PSIP1: variants seen among roughly 807,000 people sequenced by gnomAD.
The protein encoded by PSIP1 is PC4 and SFRS1-interacting protein.
PSIP1 carries 19 observed loss-of-function variants against 74.7 expected under a neutral mutation model. The ratio of observed to expected loss-of-function variants is 0.25; its 90% CI spans 0.18 to 0.37. The LOEUF is 0.37. Among genes scored for constraint, PSIP1 ranks in the 10% least tolerant of loss-of-function variants. The pLI is 1.00. For missense variants in PSIP1, 601 were observed against 614.3 expected (o/e 0.98, Z 0.23); for synonymous variants, 222 against 195.3 (o/e 1.14, Z -1.14).
At position 15,486,770 on chromosome 9, in the gene PSIP1, C is replaced by T. The variant is rs764909666; in HGVS notation, c.393+57G>A. The T allele has an allele frequency of 1.1e-3, 1,397 of 1,245,838 alleles. 4 individuals are homozygous for T. The highest frequency in any genetic ancestry group is 1.5e-3 in the Non-Finnish European group (1,294 of 868,396). 77.2% of individuals were successfully genotyped at this position (1,245,838 alleles called of 1,614,324 possible). A position where few individuals can be genotyped will look rare whatever the true frequency, so the allele number is the denominator to read the frequency against. On this transcript the variant is annotated intron_variant, in intron 5 of 15. Coordinates refer to ENST00000380733, the MANE Select transcript of PSIP1 (RefSeq NM_033222.5). ...CTAATTAATCATGGCCAACTCATTT[C>T]ATTATTTCTTCCTTGAAACAAAATG...
chr9:15,467,590 A>G (rs1172503646), intron 14 of PSIP1, among the ~76,000 whole-genome samples: 1 of 152,224 alleles, frequency 6.6e-6, no homozygotes, highest in Non-Finnish European at 1.5e-5. Flanking sequence ...GGCATAGAGA[A>G]AGCTTATGGG....
At chr9:15,495,875 A>G (rs532193014) in intron 3 of PSIP1, among the ~76,000 whole-genome samples, 3 of 152,310 alleles carry the variant, frequency 2.0e-5, no homozygotes, top group South Asian at 2.1e-4. Flanking sequence ...ACTGCAAACC[A>G]TCTATATTCA....
intron 3 of PSIP1, among the ~76,000 whole-genome samples, chr9:15,497,775 G>A (rs1348222459): frequency 6.6e-6 from 1 of 151,982 alleles, no homozygotes. Flanking sequence ...TTTTAATAAA[G>A]CTGTTAAAAT....
At position 15,475,460 on chromosome 9, in the gene PSIP1, A is replaced by C. The variant is rs542876233; in HGVS notation, c.630-1223T>G. Reference sequence around the variant, plus strand: ...AAAATGTTACACCTGTATGGAAGGAAATAGCTATTAAAAATACAAATACCA... The same window carrying C: ...AAAATGTTACACCTGTATGGAAGGACATAGCTATTAAAAATACAAATACCA... On this transcript the variant is annotated intron_variant, in intron 8 of 15. Coordinates refer to ENST00000380733, the MANE Select transcript of PSIP1 (RefSeq NM_033222.5). Among the ~76,000 whole-genome samples, 4 of 152,270 alleles carry C rather than the reference A, an allele frequency of 2.6e-5. No homozygotes were observed. The East Asian group carries it at 7.7e-4, about 29-fold the overall frequency.
rs915728040 is a variant in PSIP1, at chr9:15,464,648, T to C, written c.*872A>G. The C allele has an allele frequency of 1.5e-5, 3 of 198,556 alleles. No individual in the cohort carries two copies. The highest frequency in any genetic ancestry group is 3.1e-5 in the Non-Finnish European group (3 of 96,180). 12.3% of individuals were successfully genotyped at this position (198,556 alleles called of 1,614,324 possible). A position where few individuals can be genotyped will look rare whatever the true frequency, so the allele number is the denominator to read the frequency against. ...AAGCATCATGATTTTTTCTTCCAAT[T>C]AAGTTTTAGTGACTTCCTAAAGACA... On this transcript the variant is annotated 3_prime_UTR_variant, in exon 16 of 16. Coordinates refer to ENST00000380733, the MANE Select transcript of PSIP1 (RefSeq NM_033222.5).
intron 10 of PSIP1, chr9:15,471,928 GAGAA>G (rs1184678766): frequency 5.1e-6 from 5 of 980,548 alleles, no homozygotes; most frequent in African/African-American, 1.8e-5. Context: ...AAGCATGTCA[GAGAA>G]AGAACTCAGA....
chr9:15,508,622 T>C (rs1294232270), intron 2 of PSIP1, among the ~76,000 whole-genome samples: 1 of 152,172 alleles, frequency 6.6e-6, no homozygotes, highest in African/African-American at 2.4e-5. Flanking sequence ...CCTCATATTT[T>C]CAAACACCTC....
At position 15,466,790 on chromosome 9, in the gene PSIP1, T is replaced by C. The variant is rs750350689; in HGVS notation, c.1490A>G (p.Asn497Ser). 8.7e-6 allele frequency: 14 copies of C among 1,613,754 alleles called. No individual in the cohort carries two copies. The highest frequency in any genetic ancestry group is 6.7e-5 in the East Asian group (3 of 44,846). The change falls in exon 15 of 16, where the codon AAT becomes AGT. Residue 497 changes from asparagine to serine, a missense_variant. Asn to Ser is a conservative substitution (Grantham distance 46). Around this residue, in one of 2 missense-constraint regions of PSIP1, gnomAD observed 538 missense variants for 507.6 expected, o/e 1.06. Coordinates refer to ENST00000380733, the MANE Select transcript of PSIP1 (RefSeq NM_033222.5). ...TTCATGGTTGTCTTTGCTGTCTTCA[T>C]TGCTCTCCCCGTTATGTTGTGGCTG... ...GNQPQHNGESNEDSKDNHEAS... is the reference protein window; with the variant it reads ...GNQPQHNGESSEDSKDNHEAS...
intron 3 of PSIP1, among the ~76,000 whole-genome samples, chr9:15,492,543 G>A (rs919188870): frequency 1.2e-4 from 18 of 152,222 alleles, no homozygotes; most frequent in Admixed American, 5.2e-4. Context: ...CATGGTGCAA[G>A]CTGTCGGTGG....
At chr9:15,470,508 T>C in intron 10 of PSIP1, 3 of 808,100 alleles carry the variant, frequency 3.7e-6, no homozygotes, top group Non-Finnish European at 4.5e-6. Flanking sequence ...AAAGGTACCA[T>C]TTTATTGTCA....
rs771190581 is a variant in PSIP1, at chr9:15,468,638, T to C, written c.1412A>G (p.Glu471Gly). ...GGCTTTTTACCACATACCTGTTTGT[T>C]CCTTCTCTAGCTTTTTGTTTGGCCC... ...KKGPNKKLEKEQTGSKTLNGG... is the reference protein window; with the variant it reads ...KKGPNKKLEKGQTGSKTLNGG... Residue 471 changes from glutamate to glycine, a missense_variant, in exon 14 of 16, where the codon GAA (glutamate) becomes GGA (glycine). Transcript: ENST00000380733. The C allele has an allele frequency of 2.5e-6, 4 of 1,614,006 alleles. No homozygotes were observed. The Admixed American group carries it at 6.7e-5, about 27-fold the overall frequency.
At chr9:15,491,264 A>G (rs1342434404) in intron 3 of PSIP1, among the ~76,000 whole-genome samples, 2 of 151,970 alleles carry the variant, frequency 1.3e-5, no homozygotes, top group African/African-American at 4.9e-5. Flanking sequence ...TAGTTTAAAT[A>G]GCAAAATGAC....
At position 15,478,673 on chromosome 9, in the gene PSIP1, C is replaced by A. The variant is rs142069573; in HGVS notation, c.554-121G>T. The A allele has an allele frequency of 2.0e-3, 1,248 of 636,538 alleles. 37 individuals are homozygous for A. The Admixed American group carries it at 0.03, about 15-fold the overall frequency. 39.4% of individuals were successfully genotyped at this position (636,538 alleles called of 1,614,324 possible). On this transcript the variant is annotated intron_variant, in intron 7 of 15. Transcript: ENST00000380733. ...GAATATTAGTAGCTTATTACAGATA[C>A]AATTATTGCTAAATTGAAAAAATAA...
intron 14 of PSIP1, chr9:15,468,380 A>C (rs774345638): frequency 1.3e-5 from 9 of 701,712 alleles, no homozygotes; most frequent in Non-Finnish European, 2.4e-5. Flanking sequence ...AAAATTGTTT[A>C]TCCAGAGTCA....
chr9:15,506,487 C>G (rs1439052298), intron 3 of PSIP1, 74 bp downstream of exon 3: 9 of 1,061,520 alleles, frequency 8.5e-6, no homozygotes, highest in African/African-American at 4.8e-5. Context: ...CGATTTCCCC[C>G]TTGAATTAAT....
chr9:15,472,429 C>T (rs1476295950), intron 10 of PSIP1: 2 of 1,363,132 alleles, frequency 1.5e-6, no homozygotes, highest in African/African-American at 1.5e-5. Flanking sequence ...CACAGAGTGA[C>T]TGCCTCAGTC....
At chr9:15,507,442 G>A (rs2037644574) in intron 2 of PSIP1, among the ~76,000 whole-genome samples, 1 of 152,094 alleles carries the variant, frequency 6.6e-6, no homozygotes, top group South Asian at 2.1e-4. Flanking sequence ...GAGGTCAGGA[G>A]TTCAAGACCA....
At chr9:15,494,496 C>T (rs1184648696) in intron 3 of PSIP1, among the ~76,000 whole-genome samples, 2 of 127,312 alleles carry the variant, frequency 1.6e-5, no homozygotes, top group Non-Finnish European at 3.1e-5. Flanking sequence ...ACCCGGGAGG[C>T]GGAGGTTGTG....
At chr9:15,507,373 G>T (rs1407727850) in intron 2 of PSIP1, among the ~76,000 whole-genome samples, 1 of 152,186 alleles carries the variant, frequency 6.6e-6, no homozygotes, top group African/African-American at 2.4e-5. Context: ...ATGTCGGCCA[G>T]GCGCGGTGGC....
Sources: allele counts gnomAD v4.1 joint callset (sites outside exome capture counted in the v4.1 genomes callset), GRCh38; gene constraint gnomAD v4.1.1; regional missense constraint gnomAD v4.1.1; transcripts MANE v1.5; gene names NCBI Gene and HGNC (gene_info 2026-07-23, HGNC 2026-07-21).